The following FGF14 variants were observed in gnomAD, a reference collection of about 807,000 sequenced individuals.
FGF14 encodes fibroblast growth factor 14, also known as fibroblast growth factor homologous factor 4.
Under a neutral mutation model 25.5 loss-of-function variants are expected in FGF14, and 5 were observed. The ratio of observed to expected loss-of-function variants is 0.20; its 90% CI spans 0.10 to 0.41. FGF14 has a LOEUF of 0.41. Among genes scored for constraint, FGF14 ranks in the 10% least tolerant of loss-of-function variants. FGF14 has a pLI of 1.00. For synonymous variants in FGF14, 138 were observed against 118.3 expected (o/e 1.17, Z -1.08); for missense variants, 222 against 320.1 (o/e 0.69, Z 2.34).
At chr13:102,187,668 A>G (rs1167484341) in intron 1 of FGF14, among the ~76,000 whole-genome samples, 1 of 152,132 alleles carries the variant, frequency 6.6e-6, no homozygotes, top group African/African-American at 2.4e-5. Context: ...TTGAGGACAG[A>G]CAAAACAGAC....
intron 4 of FGF14, among the ~76,000 whole-genome samples, chr13:101,723,802 T>G (rs1184533397): frequency 1.3e-5 from 2 of 149,288 alleles, no homozygotes; most frequent in African/African-American, 4.8e-5. Context: ...AGAAAGGACA[T>G]ATAAGAGTGA....
chr13:102,022,634 A>C (rs1418361262), intron 1 of FGF14, among the ~76,000 whole-genome samples: 1 of 152,100 alleles, frequency 6.6e-6, no homozygotes, highest in Non-Finnish European at 1.5e-5. Flanking sequence ...ATTCAGTTTA[A>C]TAGCCAATGA....
intron 1 of FGF14, among the ~76,000 whole-genome samples, chr13:102,159,220 C>T (rs1376640177): frequency 6.6e-6 from 1 of 150,846 alleles, no homozygotes; most frequent in Non-Finnish European, 1.5e-5. Context: ...GAAAAACTAG[C>T]TGTAATAGAA....
At chr13:102,283,456 T>C (rs1389578463) in intron 1 of FGF14, among the ~76,000 whole-genome samples, 1 of 152,198 alleles carries the variant, frequency 6.6e-6, no homozygotes, top group East Asian at 1.9e-4. Context: ...AATAAGATTA[T>C]GGAGGATGCA....
chr13:101,932,701 C>T (rs891697127), intron 1 of FGF14, among the ~76,000 whole-genome samples: 16 of 148,280 alleles, frequency 1.1e-4, no homozygotes, highest in Middle Eastern at 3.5e-3. Context: ...AGTTATCTGT[C>T]AGTCGGTTGC....
rs139366512 is a variant in FGF14 at position 102,148,916 on chromosome 13, A to T, written c.208+252555T>A. 2.8e-3 allele frequency among the ~76,000 whole-genome samples: 423 copies of T among 152,342 alleles called. 4 individuals carry two copies. The highest frequency in any genetic ancestry group is 8.6e-3 in the African/African-American group (359 of 41,582). ...GTGAGCCTCTTTGTGATCACTGACC[A>T]GCGCGTACCTGGAATATACAATGTG... On this transcript the variant is annotated intron_variant, in intron 1 of 4. Transcript: ENST00000376131.
chr13:101,843,791 G>A (rs1269859880), intron 3 of FGF14, among the ~76,000 whole-genome samples: 1 of 151,930 alleles, frequency 6.6e-6, no homozygotes, highest in African/African-American at 2.4e-5. Context: ...TGTGGCTTGG[G>A]GAGACAGGGA....
chr13:102,391,290 A>T (rs142640503), intron 1 of FGF14, among the ~76,000 whole-genome samples: 1 of 152,318 alleles, frequency 6.6e-6, no homozygotes, highest in East Asian at 1.9e-4. Flanking sequence ...CGGTCTGACA[A>T]AGCTGGGCGG....
At chr13:101,910,102 G>A (rs969862139) in intron 1 of FGF14, among the ~76,000 whole-genome samples, 2 of 151,908 alleles carry the variant, frequency 1.3e-5, no homozygotes, top group African/African-American at 2.4e-5. Flanking sequence ...GTGGGGTGGG[G>A]GTAGGGGGGA....
chr13:101,999,856 T>C (rs961671450), intron 1 of FGF14, among the ~76,000 whole-genome samples: 7 of 152,202 alleles, frequency 4.6e-5, no homozygotes, highest in Non-Finnish European at 8.8e-5. Flanking sequence ...ACACTATTTC[T>C]TCTCTATTTC....
At chr13:101,739,476 T>C (rs971769040) in intron 3 of FGF14, among the ~76,000 whole-genome samples, 3 of 152,154 alleles carry the variant, frequency 2.0e-5, no homozygotes, top group Non-Finnish European at 4.4e-5. Flanking sequence ...TAGATAAATC[T>C]GGCCTAGCTT....
At chr13:102,124,534 T>G (rs1258975621) in intron 1 of FGF14, among the ~76,000 whole-genome samples, 1 of 152,052 alleles carries the variant, frequency 6.6e-6, no homozygotes, top group Non-Finnish European at 1.5e-5. Flanking sequence ...AAATTAAAGA[T>G]TTAAACAAAA....
chr13:102,132,005 A>G (rs758754465), intron 1 of FGF14, among the ~76,000 whole-genome samples: 3 of 152,180 alleles, frequency 2.0e-5, no homozygotes, highest in African/African-American at 7.2e-5. Flanking sequence ...ACTTGGGAAA[A>G]TAAGTTTTTT....
chr13:102,240,557 T>C (rs1321640212), intron 1 of FGF14, among the ~76,000 whole-genome samples: 1 of 152,174 alleles, frequency 6.6e-6, no homozygotes, highest in African/African-American at 2.4e-5. Context: ...AAAAACACCC[T>C]TTCTTGGAAA....
At chr13:102,219,213 C>G (rs913855498) in intron 1 of FGF14, among the ~76,000 whole-genome samples, 1 of 152,204 alleles carries the variant, frequency 6.6e-6, no homozygotes, top group African/African-American at 2.4e-5. Flanking sequence ...AGCAGCTACA[C>G]TGGTTGGATA....
At position 102,221,623 on chromosome 13, in the gene FGF14, A is replaced by C. The variant is rs201119771; in HGVS notation, c.208+179848T>G. ...ATGAATGACATCACACAAACACACAAACACACACACACACACACACACAGA... is the reference window on the plus strand; with the variant it reads ...ATGAATGACATCACACAAACACACACACACACACACACACACACACACAGA... On this transcript the variant is annotated intron_variant, in intron 1 of 4. Transcript: ENST00000376131. Among the ~76,000 whole-genome samples the C allele has an allele frequency of 6.0e-3, 899 of 150,096 alleles. 8 individuals are homozygous for C. The highest frequency in any genetic ancestry group is 0.02 in the African/African-American group (818 of 40,918).
chr13:102,161,682 G>C (rs1594221693), intron 1 of FGF14, among the ~76,000 whole-genome samples: 3 of 57,160 alleles, frequency 5.2e-5, no homozygotes, highest in African/African-American at 1.5e-4. Context: ...AGAAGAAGAA[G>C]AAGAAGAAGA....
At chr13:102,270,940 T>C (rs1259672882) in intron 1 of FGF14, among the ~76,000 whole-genome samples, 1 of 152,198 alleles carries the variant, frequency 6.6e-6, no homozygotes, top group Non-Finnish European at 1.5e-5. Context: ...AATAAATGCA[T>C]TAAAGTATTA....
At chr13:102,127,102 T>TTATA (rs141046497) in intron 1 of FGF14, among the ~76,000 whole-genome samples, 4,111 of 151,876 alleles carry the variant, frequency 0.027, 208 homozygotes, top group African/African-American at 0.095. Context: ...CTCACTCATA[T>TTATA]TATATATATA....
Sources: allele counts gnomAD v4.1 joint callset (sites outside exome capture counted in the v4.1 genomes callset), GRCh38; gene constraint gnomAD v4.1.1; transcripts MANE v1.5; gene names NCBI Gene and HGNC (gene_info 2026-07-23, HGNC 2026-07-21).